Variants in ACACB observed in about 807,000 individuals in gnomAD.
ACACB encodes acetyl-CoA carboxylase 2.
ACACB carries 209 observed loss-of-function variants against 278.8 expected under a neutral mutation model. That is an observed-to-expected ratio of 0.75 (90% CI 0.67 to 0.84). The LOEUF (loss-of-function observed/expected upper bound fraction) is 0.84. Ranked by LOEUF, ACACB falls within the 40% of genes least tolerant of loss-of-function variation. The pLI, the probability that ACACB is intolerant of heterozygous loss-of-function variation, is 0.00. For missense variants in ACACB, 2,850 were observed against 3,269.0 expected, an observed-to-expected ratio of 0.87 and a Z score of 3.13; for synonymous variants, 1,174 against 1,285.6, an observed-to-expected ratio of 0.91 and a Z score of 1.86.
Position 109,162,427 on chromosome 12 carries a change from A to T in ACACB, c.654-4434A>T, listed in dbSNP as rs1043158340. 2.0e-5 allele frequency among the ~76,000 whole-genome samples: 3 copies of T among 152,102 alleles called. 1 individual carries two copies. The highest frequency in any genetic ancestry group is 3.9e-4 in the East Asian group (2 of 5,184). On this transcript the variant is annotated intron_variant, in intron 2 of 52. Transcript: ENST00000338432. ...AAGGCATAGTGTCTGGCAGCAAGGG[A>T]TGCCCCTGGAGCTGAGGGGTAAGGA...
At position 109,172,399 on chromosome 12, in the gene ACACB, C is replaced by T. The variant is rs767427289; in HGVS notation, c.1117+43C>T. Reference sequence around the variant, plus strand: ...CAGATACATGGGAATTGGGGTATTGCTGGGACACTCTGCTGGGTCTGACCC... The same window carrying T: ...CAGATACATGGGAATTGGGGTATTGTTGGGACACTCTGCTGGGTCTGACCC... On this transcript the variant is annotated intron_variant, in intron 6 of 52. Transcript: ENST00000338432. 11 of 1,568,094 alleles carry T rather than the reference C, an allele frequency of 7.0e-6. No individual in the cohort carries two copies. In the Admixed American group the frequency reaches 1.2e-4, roughly 17 times the overall value.
rs139992454 is a variant in ACACB, at chr12:109,254,378, T to A, written c.6166+44T>A. The stretch of plus-strand genomic sequence containing the variant: ...TGCCTAGGACCTGGTCTCGGGTTTC[T>A]TTCTAGGGCTTGAGACAAAGGAGCA... On this transcript the variant is annotated intron_variant, in intron 44 of 52. Coordinates refer to ENST00000338432, the MANE Select transcript of ACACB (RefSeq NM_001093.4). 63 of 1,573,652 alleles carry A rather than the reference T, an allele frequency of 4.0e-5. No individual in the cohort carries two copies. The Middle Eastern group carries it at 1.7e-3, about 42-fold the overall frequency.
chr12:109,245,485 C>A, intron 37 of ACACB, 141 bp from the exon 38 acceptor site: 1 of 874,332 alleles, frequency 1.1e-6, no homozygotes, highest in Non-Finnish European at 1.6e-6. Context: ...TTTAAATATG[C>A]TTTAAATATT....
At chr12:109,174,259 G>T (rs1173373508) in intron 7 of ACACB, 29 bp downstream of exon 7, 1 of 1,550,076 alleles carries the variant, frequency 6.5e-7, no homozygotes, top group Non-Finnish European at 8.8e-7. Flanking sequence ...CCCTCTGGGG[G>T]AGCTTCTCAG....
intron 28 of ACACB, among the ~76,000 whole-genome samples, chr12:109,231,580 A>T (rs549281035): frequency 6.6e-6 from 1 of 152,140 alleles, no homozygotes; most frequent in East Asian, 1.9e-4. Context: ...GGGTCCCCAA[A>T]AGCACCCCCA....
rs772264791 is a variant in ACACB, at chr12:109,254,206, T to A, written c.6046-8T>A. 1 of 1,613,128 alleles carries A rather than the reference T, an allele frequency of 6.2e-7. No homozygotes were observed. ...AGACTAAGTCAGAGACTTGGCTTTC[T>A]TTTTTAGGATAATCACAGCCCTGTC... On this transcript the variant is annotated splice_region_variant and splice_polypyrimidine_tract_variant and intron_variant, in intron 43 of 52. Coordinates refer to ENST00000338432, the MANE Select transcript of ACACB (RefSeq NM_001093.4).
intron 24 of ACACB, among the ~76,000 whole-genome samples, chr12:109,221,809 G>A (rs1456299444): frequency 6.6e-6 from 1 of 151,706 alleles, no homozygotes; most frequent in African/African-American, 2.4e-5. Context: ...AGAATTTGGG[G>A]AGTTGTATAT....
chr12:109,116,565 A>G (rs2135919949), upstream of ACACB: 1 of 152,314 alleles, frequency 6.6e-6, no homozygotes, highest in African/African-American at 2.4e-5. Flanking sequence ...TGATTAATCT[A>G]AAAGTGACAT....
rs570024928 is a variant in ACACB, at chr12:109,197,059, A to G, written c.2533A>G (p.Ile845Val). The change falls in exon 17 of 53, where the codon ATC (isoleucine) becomes GTC (valine). Residue 845 changes from isoleucine (I) to valine (V), a missense_variant. Physicochemically the swap from Ile to Val is conservative, Grantham distance 29 (BLOSUM62 3). Around this residue, in one of 3 missense-constraint regions of ACACB, gnomAD observed 2,265 missense variants for 2,561.3 expected, o/e 0.88. Coordinates refer to ENST00000338432, the MANE Select transcript of ACACB (RefSeq NM_001093.4). ...CGTTCTCATCATGAATGGCTGCCAC[A>G]TCGAGATTGATGCCCACCGGCTGAA... Reference protein sequence around the residue: ...MFVLIMNGCHIEIDAHRLNDG... With the variant: ...MFVLIMNGCHVEIDAHRLNDG... The G allele has an allele frequency of 6.3e-7, 1 of 1,593,472 alleles. No individual in the cohort carries two copies. Among genetic ancestry groups the G allele is most frequent in the East Asian group, 2.3e-5 (1 of 43,188 alleles).
At chr12:109,130,067 A>G (rs2042784249) in intron 1 of ACACB, among the ~76,000 whole-genome samples, 1 of 152,038 alleles carries the variant, frequency 6.6e-6, no homozygotes. Flanking sequence ...TGAGGTTTGG[A>G]GAGGGGAGGT....
chr12:109,175,282 T>A (rs1179237211), intron 7 of ACACB, among the ~76,000 whole-genome samples: 2 of 152,196 alleles, frequency 1.3e-5, no homozygotes, highest in Non-Finnish European at 2.9e-5. Flanking sequence ...TTGCTTTCAT[T>A]TGTTAAATCT....
chr12:109,183,095 G>A (rs1336853699), intron 11 of ACACB, among the ~76,000 whole-genome samples: 3 of 152,178 alleles, frequency 2.0e-5, no homozygotes, highest in African/African-American at 2.4e-5. Flanking sequence ...CACTGTAGAT[G>A]TATGGATTTG....
intron 28 of ACACB, among the ~76,000 whole-genome samples, chr12:109,231,830 A>C (rs188755872): frequency 5.9e-5 from 9 of 152,298 alleles, no homozygotes; most frequent in Non-Finnish European, 1.0e-4. Context: ...CCAGCCCCGC[A>C]CCAGGGATTG....
intron 48 of ACACB, among the ~76,000 whole-genome samples, chr12:109,262,084 C>T (rs1034262304): frequency 6.6e-6 from 1 of 151,852 alleles, no homozygotes; most frequent in Non-Finnish European, 1.5e-5. Flanking sequence ...TGGAAAAAGT[C>T]GTACACTCTT....
At chr12:109,189,362 G>A (rs1186487539) in intron 13 of ACACB, among the ~76,000 whole-genome samples, 1 of 152,126 alleles carries the variant, frequency 6.6e-6, no homozygotes, top group Non-Finnish European at 1.5e-5. Flanking sequence ...GAAGATTGCA[G>A]CAAAAAGGGC....
intron 37 of ACACB, among the ~76,000 whole-genome samples, chr12:109,244,536 A>G (rs538013906): frequency 1.7e-4 from 26 of 152,362 alleles, no homozygotes; most frequent in African/African-American, 5.8e-4. Flanking sequence ...GGGAAGAAAC[A>G]TGACTGAACC....
At chr12:109,206,551 C>T (rs1037468610) in intron 19 of ACACB, among the ~76,000 whole-genome samples, 159 bp from the exon 20 acceptor site, 2 of 151,982 alleles carry the variant, frequency 1.3e-5, no homozygotes, top group South Asian at 2.1e-4. Context: ...TGAGTTTGGC[C>T]GTTTTAACTT....
chr12:109,193,665 C>T lies in ACACB; in HGVS notation c.2417C>T (p.Ala806Val), dbSNP rs2044979162. 1.2e-6 allele frequency: 2 copies of T among 1,613,690 alleles called. No individual in the cohort carries two copies. Among genetic ancestry groups the T allele is most frequent in the South Asian group, 2.2e-5 (2 of 91,080 alleles). The change falls in exon 16 of 53, where the codon GCG becomes GTG. Residue 806 changes from alanine to valine, a missense_variant. Physicochemically the swap from Ala to Val is moderately conservative, Grantham distance 64 (BLOSUM62 0). Coordinates refer to ENST00000338432, the MANE Select transcript of ACACB (RefSeq NM_001093.4). ...TCTTTCAGGGGCCAGGTCCTCCCAG[C>T]GGATTCACTACTGAACCTCGTAGAT... ...HSLERGQVLP[A>V]DSLLNLVDVE...
chr12:109,164,977 G>A (rs2136146207), intron 2 of ACACB, among the ~76,000 whole-genome samples: 1 of 152,272 alleles, frequency 6.6e-6, no homozygotes, highest in East Asian at 1.9e-4. Context: ...ACAGGAAACA[G>A]GAGATTCAAC....
Sources: allele counts gnomAD v4.1 joint callset (sites outside exome capture counted in the v4.1 genomes callset), GRCh38; gene constraint gnomAD v4.1.1; regional missense constraint gnomAD v4.1.1; transcripts MANE v1.5; gene names NCBI Gene and HGNC (gene_info 2026-07-23, HGNC 2026-07-21).